The following HIPK2 variants were observed in gnomAD, a reference collection of about 807,000 sequenced individuals.
HIPK2 encodes homeodomain interacting protein kinase 2, also known as homeodomain-interacting protein kinase 2.
HIPK2 carries 27 observed loss-of-function variants against 113.7 expected under a neutral mutation model. That is an observed-to-expected ratio of 0.24 (90% CI 0.17 to 0.33). The LOEUF is 0.33. HIPK2 is among the 10% of genes least tolerant of loss of function. The pLI is 1.00. For synonymous variants in HIPK2, 631 were observed against 642.2 expected, an observed-to-expected ratio of 0.98 and a Z score of 0.26; for missense variants, 1,257 against 1,588.0, an observed-to-expected ratio of 0.79 and a Z score of 3.54.
At chr7:139,574,000 C>T (rs113247079) in intron 14 of HIPK2, among the ~76,000 whole-genome samples, 222 of 152,172 alleles carry the variant, frequency 1.5e-3, no homozygotes, top group African/African-American at 4.9e-3. Context: ...TATCAGGATG[C>T]CCCAGGCTGG....
At chr7:139,659,740 G>T (rs1801802388) in intron 2 of HIPK2, among the ~76,000 whole-genome samples, 1 of 117,198 alleles carries the variant, frequency 8.5e-6, no homozygotes, top group East Asian at 2.2e-4. Flanking sequence ...TGGCTGGCTA[G>T]AGCTGCATTC....
At chr7:139,689,831 G>C (rs572132190) in intron 2 of HIPK2, among the ~76,000 whole-genome samples, 3 of 152,290 alleles carry the variant, frequency 2.0e-5, no homozygotes, top group African/African-American at 7.2e-5. Context: ...AAGAGGACTG[G>C]GAAGGAGTCA....
chr7:139,709,964 C>T (rs1795012862), intron 2 of HIPK2, among the ~76,000 whole-genome samples: 1 of 152,216 alleles, frequency 6.6e-6, no homozygotes, highest in Non-Finnish European at 1.5e-5. Context: ...CACATTCATA[C>T]TATCGGGGGG....
chr7:139,649,123 C>T (rs1440577763), intron 2 of HIPK2, among the ~76,000 whole-genome samples: 1 of 152,148 alleles, frequency 6.6e-6, no homozygotes, highest in Non-Finnish European at 1.5e-5. Flanking sequence ...GTGACTTGCC[C>T]GCTGCAGCCT....
intron 7 of HIPK2, among the ~76,000 whole-genome samples, chr7:139,615,246 G>A (rs1398323342): frequency 2.0e-5 from 3 of 152,246 alleles, no homozygotes; most frequent in Non-Finnish European, 2.9e-5. Flanking sequence ...TCCTTAGATG[G>A]CTGCAAAGCT....
chr7:139,600,850 G>A (rs373004166), intron 10 of HIPK2, among the ~76,000 whole-genome samples: 19 of 152,154 alleles, frequency 1.2e-4, no homozygotes, highest in African/African-American at 2.4e-4. Context: ...CAAGTACACC[G>A]GCTCCAAGTT....
chr7:139,614,546 AGGTGG>A, intron 7 of HIPK2, 53 bp from the exon 8 acceptor site: 37 of 1,150,114 alleles, frequency 3.2e-5, no homozygotes, highest in Non-Finnish European at 3.9e-5. Context: ...AAAATGAGGG[AGGTGG>A]CATGTTGGGA....
chr7:139,707,056 T>G (rs1028104192), intron 2 of HIPK2, among the ~76,000 whole-genome samples: 1 of 152,192 alleles, frequency 6.6e-6, no homozygotes, highest in Non-Finnish European at 1.5e-5. Context: ...AGCCCCGCCT[T>G]TGGCCCTTCC....
At position 139,620,479 on chromosome 7, in the gene HIPK2, G is replaced by C; in HGVS notation, c.1704C>G (p.Phe568Leu). The stretch of plus-strand genomic sequence containing the variant: ...ACGTGCTGGGGGCCACGTGCGTGAT[G>C]AAAGGGGTTTTGCTCTGGTTCACCG... ...YDTVNQSKTPFITHVAPSTST... is the reference protein window; with the variant it reads ...YDTVNQSKTPLITHVAPSTST... The change falls in exon 7 of 15, where the codon TTC (phenylalanine) becomes TTG (leucine). Residue 568 changes from phenylalanine to leucine, a missense_variant. Physicochemically the swap from Phe to Leu is conservative, Grantham distance 22. Transcript: ENST00000406875. The C allele has an allele frequency of 1.2e-6, 2 of 1,614,152 alleles. No individual in the cohort carries two copies. The highest frequency in any genetic ancestry group is 1.7e-6 in the Non-Finnish European group (2 of 1,180,020).
intron 2 of HIPK2, among the ~76,000 whole-genome samples, chr7:139,697,514 C>CA (rs1794598893): frequency 6.6e-6 from 1 of 151,730 alleles, no homozygotes; most frequent in South Asian, 2.1e-4. Context: ...ACAAATAAAC[C>CA]AAAAAGGGCC....
intron 11 of HIPK2, 96 bp from the exon 12 acceptor site, chr7:139,597,094 ATC>A (rs1407898138): frequency 7.4e-7 from 1 of 1,353,034 alleles, no homozygotes; most frequent in Non-Finnish European, 1.0e-6. Flanking sequence ...GCTTTGCCAA[ATC>A]TCTGTAAAAC....
intron 2 of HIPK2, among the ~76,000 whole-genome samples, chr7:139,690,706 G>C (rs1029178715): frequency 1.3e-5 from 2 of 152,102 alleles, no homozygotes; most frequent in Middle Eastern, 6.8e-3. Context: ...AAAGAGCCTG[G>C]CACTCCCCTG....
In HIPK2 at chr7:139,697,323, G is replaced by A. The variant is rs905051271; in HGVS notation, c.1103+18609C>T. On this transcript the variant is annotated intron_variant, in intron 2 of 14. Transcript: ENST00000406875. ...AAAGCTGCTCCTTTTCTCTCCGAGT[G>A]AAGGAGAAAACAAAATATTTACCTT... is the stretch of plus-strand genomic sequence containing the variant. Among the ~76,000 whole-genome samples, 42 of 152,304 alleles carry A rather than the reference G, an allele frequency of 2.8e-4. No individual in the cohort carries two copies. In the East Asian group the frequency reaches 7.5e-3, roughly 27 times the overall value.
intron 2 of HIPK2, among the ~76,000 whole-genome samples, chr7:139,684,041 C>G (rs1794143726): frequency 6.6e-6 from 1 of 152,094 alleles, no homozygotes; most frequent in Admixed American, 6.5e-5. Flanking sequence ...AAAGCATGTG[C>G]TCACTTCATG....
chr7:139,669,214 T>A (rs1207969679), intron 2 of HIPK2, among the ~76,000 whole-genome samples: 1 of 152,134 alleles, frequency 6.6e-6, no homozygotes, highest in African/African-American at 2.4e-5. Context: ...CCACTATCAA[T>A]CCCCTTGGCT....
At position 139,572,431 on chromosome 7, in the gene HIPK2, T is replaced by G. The variant is rs1457983862; in HGVS notation, c.*496A>C. The G allele has an allele frequency of 6.5e-6, 1 of 152,762 alleles. No individual in the cohort carries two copies. The highest frequency in any genetic ancestry group is 2.4e-5 in the African/African-American group (1 of 41,470). 9.5% of individuals were successfully genotyped at this position (152,762 alleles called of 1,614,324 possible). ...ATTAAAAATCTATTTGATTTCCATA[T>G]CAGGTGTCCCTGACAGCAGTCTTCC... On this transcript the variant is annotated 3_prime_UTR_variant, in exon 15 of 15. Coordinates refer to ENST00000406875, the MANE Select transcript of HIPK2 (RefSeq NM_022740.5).
At chr7:139,629,121 C>T (rs192244398) in intron 4 of HIPK2, 82 bp from the exon 5 acceptor site, 2 of 1,090,112 alleles carry the variant, frequency 1.8e-6, no homozygotes, top group Admixed American at 2.1e-5. Flanking sequence ...TCCTGTGTCT[C>T]ACAGAGGGTC....
In HIPK2 at chr7:139,714,342, CG is replaced by C. The variant is rs1400051274; in HGVS notation, c.1103+1589del. 2.0e-5 allele frequency among the ~76,000 whole-genome samples: 3 copies of C among 152,042 alleles called. No homozygotes were observed. Among genetic ancestry groups the C allele is most frequent in the Non-Finnish European group, 2.9e-5 (2 of 68,016 alleles). On this transcript the variant is annotated intron_variant, in intron 2 of 14. Coordinates refer to ENST00000406875, the MANE Select transcript of HIPK2 (RefSeq NM_022740.5). This position sits in a 1 kb window ranked among gnomAD's most constrained non-coding sequence, Gnocchi z 4.2. ...GAGTCAGGATTAGGATGAAAGGAGA[CG>C]GGGTGGAAGGTGGGAGGGCATCTGG... is the stretch of plus-strand genomic sequence containing the variant.
Position 139,600,261 on chromosome 7 carries a change from A to G in HIPK2, c.2435+156T>C, listed in dbSNP as rs143402924. ...CAAACCCTAGGCCAAACCAGGTGGTACAGGATGTTTTGCTAGTCACTGCAG... is the reference window on the plus strand; with the variant it reads ...CAAACCCTAGGCCAAACCAGGTGGTGCAGGATGTTTTGCTAGTCACTGCAG... On this transcript the variant is annotated intron_variant, in intron 11 of 14. Transcript: ENST00000406875. 1.9e-3 allele frequency: 757 copies of G among 393,274 alleles called. 6 individuals are homozygous for G. The highest frequency in any genetic ancestry group is 0.015 in the African/African-American group (707 of 45,910). 24.4% of individuals were successfully genotyped at this position (393,274 alleles called of 1,614,324 possible).
Sources: allele counts gnomAD v4.1 joint callset (sites outside exome capture counted in the v4.1 genomes callset), GRCh38; gene constraint gnomAD v4.1.1; non-coding constraint Gnocchi (gnomAD v3.1); transcripts MANE v1.5; gene names NCBI Gene and HGNC (gene_info 2026-07-23, HGNC 2026-07-21).